The following KCNJ3 variants were observed in gnomAD, a reference collection of about 807,000 sequenced individuals.
KCNJ3 encodes potassium inwardly rectifying channel subfamily J member 3.
KCNJ3 carries 4 observed loss-of-function variants against 39.2 expected under a neutral mutation model. The observed-to-expected ratio is 0.10, with a 90% CI of 0.05 to 0.23. The LOEUF is 0.23. KCNJ3 is among the 10% of genes least tolerant of loss of function. The probability of loss-of-function intolerance (pLI) is 1.00; values close to 1 mark genes in which losing one functional copy is unlikely to be tolerated. For missense variants in KCNJ3, 276 were observed against 634.9 expected, an observed-to-expected ratio of 0.43 and a Z score of 6.08; for synonymous variants, 230 against 237.4, an observed-to-expected ratio of 0.97 and a Z score of 0.29.
intron 1 of KCNJ3, among the ~76,000 whole-genome samples, chr2:154,701,574 G>A (rs1684897290): frequency 1.3e-5 from 2 of 152,010 alleles, no homozygotes; most frequent in Admixed American, 1.3e-4. Context: ...CTAAGGAAAT[G>A]TACCACATAT....
chr2:154,722,765 C>A (rs1558856415), intron 2 of KCNJ3, among the ~76,000 whole-genome samples: 1 of 152,020 alleles, frequency 6.6e-6, no homozygotes, highest in Non-Finnish European at 1.5e-5. Flanking sequence ...GTGGGTAGAA[C>A]AATTAGGGTA....
At position 154,857,167 on chromosome 2, in the gene KCNJ3, A is replaced by G. The variant is rs2105144956; in HGVS notation, c.*1854A>G. ...CACTGTGAATGGAGCAAATTGCCCT[A>G]TACCCATTGATAACCTAGCTTTCTT... On this transcript the variant is annotated 3_prime_UTR_variant, in exon 3 of 3. Coordinates refer to ENST00000295101, the MANE Select transcript of KCNJ3 (RefSeq NM_002239.4). 6.6e-6 allele frequency: 1 copy of G among 152,276 alleles called. No homozygotes were observed. Among genetic ancestry groups the G allele is most frequent in the South Asian group, 2.1e-4 (1 of 4,826 alleles). 9.4% of individuals were successfully genotyped at this position (152,276 alleles called of 1,614,324 possible). A position where few individuals can be genotyped will look rare whatever the true frequency, so the allele number is the denominator to read the frequency against.
chr2:154,837,170 T>C (rs924532980), intron 2 of KCNJ3, among the ~76,000 whole-genome samples: 2 of 152,336 alleles, frequency 1.3e-5, no homozygotes, highest in East Asian at 1.9e-4. Flanking sequence ...TAACTAGATA[T>C]GCATCTATCT....
At chr2:154,746,640 G>GTA (rs1432995710) in intron 2 of KCNJ3, among the ~76,000 whole-genome samples, 9 of 77,542 alleles carry the variant, frequency 1.2e-4, no homozygotes, top group South Asian at 3.0e-4. Context: ...ATGTATATAT[G>GTA]TGTATATATA....
chr2:154,832,151 T>C (rs1439012498), intron 2 of KCNJ3, among the ~76,000 whole-genome samples: 2 of 151,852 alleles, frequency 1.3e-5, no homozygotes, highest in Non-Finnish European at 2.9e-5. Context: ...CCCCCATGCA[T>C]CTAGACACCT....
At chr2:154,792,083 C>T (rs717175) in intron 2 of KCNJ3, among the ~76,000 whole-genome samples, 51,193 of 151,890 alleles carry the variant, frequency 0.34, 9,195 homozygotes, top group Non-Finnish European at 0.4. Context: ...AGTCCACTGC[C>T]GTCATCTTGT....
chr2:154,734,810 T>C (rs2105169890), intron 2 of KCNJ3, among the ~76,000 whole-genome samples: 1 of 152,238 alleles, frequency 6.6e-6, no homozygotes, highest in East Asian at 1.9e-4. Context: ...CACTTAGTAA[T>C]AAAAGTGAGT....
intron 2 of KCNJ3, among the ~76,000 whole-genome samples, chr2:154,754,175 GA>G (rs980163802): frequency 6.6e-6 from 1 of 152,162 alleles, no homozygotes; most frequent in African/African-American, 2.4e-5. Context: ...TCAATCTATT[GA>G]ATGGTCTTTT....
chr2:154,831,350 G>A (rs994819049), intron 2 of KCNJ3, among the ~76,000 whole-genome samples: 2 of 152,054 alleles, frequency 1.3e-5, no homozygotes, highest in Non-Finnish European at 2.9e-5. Context: ...AAATAGTTTT[G>A]TATAAGACTC....
At chr2:154,847,919 A>G (rs1687687818) in intron 2 of KCNJ3, among the ~76,000 whole-genome samples, 1 of 152,158 alleles carries the variant, frequency 6.6e-6, no homozygotes, top group Admixed American at 6.6e-5. Context: ...TAGGGCTGAT[A>G]TGACTTACTT....
At chr2:154,811,233 G>A (rs1574471069) in intron 2 of KCNJ3, among the ~76,000 whole-genome samples, 1 of 152,076 alleles carries the variant, frequency 6.6e-6, no homozygotes. Flanking sequence ...ATGCATGGCC[G>A]GAAGAGGGCT....
chr2:154,845,498 A>AAGAT (rs1300797513), intron 2 of KCNJ3, among the ~76,000 whole-genome samples: 1 of 152,222 alleles, frequency 6.6e-6, no homozygotes, highest in African/African-American at 2.4e-5. Flanking sequence ...TTATATAGTT[A>AAGAT]AGATATTTTG....
At chr2:154,753,934 G>A (rs1685893012) in intron 2 of KCNJ3, among the ~76,000 whole-genome samples, 1 of 152,110 alleles carries the variant, frequency 6.6e-6, no homozygotes, top group Non-Finnish European at 1.5e-5. Context: ...TAATGTTACT[G>A]CCTTTCAGAA....
intron 2 of KCNJ3, among the ~76,000 whole-genome samples, chr2:154,731,520 A>G (rs1005188678): frequency 6.6e-6 from 1 of 151,956 alleles, no homozygotes; most frequent in African/African-American, 2.4e-5. Context: ...TACATATTTG[A>G]GTTGAAATGT....
chr2:154,739,711 A>G (rs1685615550), intron 2 of KCNJ3, among the ~76,000 whole-genome samples: 1 of 152,082 alleles, frequency 6.6e-6, no homozygotes, highest in Admixed American at 6.6e-5. Flanking sequence ...GGGCAGGGGA[A>G]AAGAAAATTA....
intron 2 of KCNJ3, among the ~76,000 whole-genome samples, chr2:154,750,314 A>G (rs1240210078): frequency 6.6e-6 from 1 of 151,970 alleles, no homozygotes; most frequent in African/African-American, 2.4e-5. Context: ...AAACTTTGCT[A>G]ATTTGTAATA....
intron 2 of KCNJ3, among the ~76,000 whole-genome samples, chr2:154,818,346 G>GT (rs146655494): frequency 0.035 from 5,354 of 151,356 alleles, 130 homozygotes; most frequent in Middle Eastern, 0.059. Flanking sequence ...CTAGATACAT[G>GT]TTTTTTTTTA....
intron 2 of KCNJ3, among the ~76,000 whole-genome samples, chr2:154,770,740 T>C (rs1222485310): frequency 6.6e-6 from 1 of 152,154 alleles, no homozygotes; most frequent in Admixed American, 6.5e-5. Context: ...TATTGTAGTC[T>C]CTGGATGACA....
intron 2 of KCNJ3, among the ~76,000 whole-genome samples, chr2:154,781,078 G>A (rs539719635): frequency 1.3e-3 from 194 of 152,252 alleles, no homozygotes; most frequent in Middle Eastern, 0.01. Context: ...GATGAGATAT[G>A]AGAAGGACAA....
Sources: allele counts gnomAD v4.1 joint callset (sites outside exome capture counted in the v4.1 genomes callset), GRCh38; gene constraint gnomAD v4.1.1; transcripts MANE v1.5; gene names NCBI Gene and HGNC (gene_info 2026-07-23, HGNC 2026-07-21).